CENPC: variants seen among roughly 807,000 people sequenced by gnomAD.
The protein encoded by CENPC is centromere protein C, also known as CENP-C 1.
In CENPC, 63 loss-of-function variants were observed where a neutral mutation model predicts 112.1. The observed-to-expected ratio is 0.56, with a 90% CI of 0.46 to 0.69. The LOEUF is 0.69. CENPC is among the 30% of genes least tolerant of loss of function. The pLI is 0.00. For synonymous variants in CENPC, 333 were observed against 367.6 expected, an observed-to-expected ratio of 0.91 and a Z score of 1.08; for missense variants, 1,000 against 1,103.8, an observed-to-expected ratio of 0.91 and a Z score of 1.33.
At chr4:67,488,523 T>C (rs1033289388) in intron 17 of CENPC, among the ~76,000 whole-genome samples, 6 of 151,986 alleles carry the variant, frequency 3.9e-5, no homozygotes, top group African/African-American at 1.2e-4. Context: ...TCTAATAATT[T>C]CCATTAACTC....
chr4:67,543,280 T>C (rs1726938082), intron 2 of CENPC, among the ~76,000 whole-genome samples: 1 of 152,234 alleles, frequency 6.6e-6, no homozygotes, highest in Non-Finnish European at 1.5e-5. Flanking sequence ...GACAAATATA[T>C]GTATTCCTAC....
rs773803780 is a variant in CENPC, at chr4:67,530,898, G to A, written c.248C>T (p.Pro83Leu). The part of the protein sequence containing the change: ...SPSKECQKSH[P>L]KSVPVSSKKK... The stretch of plus-strand genomic sequence containing the variant: ...CTTTGAAGAAACTGGAACTGACTTT[G>A]GATGTGATTTCTGGCACTGAGCACA... The change falls in exon 5 of 19, where the codon CCA becomes CTA. Residue 83 changes from proline (P) to leucine (L), a missense_variant. Transcript: ENST00000273853. 22 of 1,593,950 alleles carry A rather than the reference G, an allele frequency of 1.4e-5. No individual in the cohort carries two copies. In the Admixed American group the frequency reaches 3.8e-4, roughly 28 times the overall value.
intron 12 of CENPC, among the ~76,000 whole-genome samples, chr4:67,495,717 G>T (rs1340536879): frequency 3.3e-5 from 5 of 152,154 alleles, no homozygotes; most frequent in African/African-American, 9.7e-5. Context: ...GCCACTTGTG[G>T]ATAAAAATGT....
At chr4:67,521,500 T>G (rs1176659862) in intron 5 of CENPC, among the ~76,000 whole-genome samples, 1 of 152,136 alleles carries the variant, frequency 6.6e-6, no homozygotes, top group African/African-American at 2.4e-5. Flanking sequence ...ATCACACCCA[T>G]TAGGATGACT....
chr4:67,514,689 T>G lies in CENPC; in HGVS notation c.831-2A>C, dbSNP rs760477962. On this transcript the variant is annotated splice_acceptor_variant, in intron 7 of 18. Transcript: ENST00000273853. LOFTEE classifies it high-confidence loss of function. ...GTTGCCGCATGCCTAACAATGGGAC[T>G]GAAACAGGGTGATACTTTTAACAGT... 1 of 1,600,610 alleles carries G rather than the reference T, an allele frequency of 6.2e-7. No individual in the cohort carries two copies. The highest frequency in any genetic ancestry group is 1.1e-5 in the South Asian group (1 of 89,144).
chr4:67,494,389 T>A (rs112327239), intron 13 of CENPC, among the ~76,000 whole-genome samples: 113 of 152,316 alleles, frequency 7.4e-4, no homozygotes, highest in African/African-American at 2.5e-3. Context: ...ATGCTCAATG[T>A]TCCCCTCTGT....
intron 15 of CENPC, 149 bp from the exon 16 acceptor site, chr4:67,492,424 C>G: frequency 1.8e-6 from 1 of 554,676 alleles, no homozygotes; most frequent in Non-Finnish European, 3.1e-6. Context: ...CTCTGATAAA[C>G]AAAAATTCAA....
At chr4:67,539,150 A>T (rs1306575925) in intron 4 of CENPC, among the ~76,000 whole-genome samples, 2 of 152,200 alleles carry the variant, frequency 1.3e-5, no homozygotes, top group Non-Finnish European at 2.9e-5. Context: ...ATCCCAGAAA[A>T]CCTAAAGTTG....
At chr4:67,513,351 T>G (rs1213778465) in intron 8 of CENPC, among the ~76,000 whole-genome samples, 2 of 152,174 alleles carry the variant, frequency 1.3e-5, no homozygotes, top group Non-Finnish European at 2.9e-5. Flanking sequence ...TTAATACAAC[T>G]GATATGGTAA....
At chr4:67,494,782 T>C (rs548832111) in intron 13 of CENPC, among the ~76,000 whole-genome samples, 24 of 152,198 alleles carry the variant, frequency 1.6e-4, no homozygotes, top group African/African-American at 5.1e-4. Context: ...CTTACTATCC[T>C]AGCTACTGCT....
chr4:67,503,629 C>T (rs931541393), intron 12 of CENPC, among the ~76,000 whole-genome samples: 8 of 151,838 alleles, frequency 5.3e-5, no homozygotes, highest in Admixed American at 3.3e-4. Context: ...TTAAGAATTC[C>T]ATAAATATTA....
intron 17 of CENPC, among the ~76,000 whole-genome samples, chr4:67,476,357 G>A (rs1724804607): frequency 6.6e-6 from 1 of 152,186 alleles, no homozygotes; most frequent in Admixed American, 6.5e-5. Context: ...GTGAAAGGGG[G>A]GAAAGTCTGC....
intron 13 of CENPC, among the ~76,000 whole-genome samples, chr4:67,494,815 A>G (rs1041087179): frequency 1.1e-4 from 16 of 152,320 alleles, no homozygotes; most frequent in Non-Finnish European, 1.6e-4. Flanking sequence ...CAACTGGATT[A>G]AAGTGGAAGG....
At chr4:67,498,864 T>C (rs370565836) in intron 12 of CENPC, among the ~76,000 whole-genome samples, 1 of 152,254 alleles carries the variant, frequency 6.6e-6, no homozygotes, top group Admixed American at 6.5e-5. Context: ...GAATGGTGAA[T>C]CCTTTCCAGA....
At position 67,496,334 on chromosome 4, in the gene CENPC, T is replaced by C. The variant is rs144857647; in HGVS notation, c.2132-1122A>G. Among the ~76,000 whole-genome samples, 766 of 152,276 alleles carry C rather than the reference T, an allele frequency of 5.0e-3. 2 individuals carry two copies. The highest frequency in any genetic ancestry group is 0.017 in the Middle Eastern group (5 of 294). On this transcript the variant is annotated intron_variant, in intron 12 of 18. Transcript: ENST00000273853. ...TTCATGAGTGTACTCAAGTGGCAAT[T>C]ACCCAACTAAGCCAAGTCAATTCAT... is the stretch of plus-strand genomic sequence containing the variant.
chr4:67,473,896 G>T (rs1724736028), intron 18 of CENPC, among the ~76,000 whole-genome samples: 1 of 152,118 alleles, frequency 6.6e-6, no homozygotes, highest in African/African-American at 2.4e-5. Flanking sequence ...ATGACAAGTG[G>T]ATTAAAATGC....
rs185070004 is a variant in CENPC at position 67,538,198 on chromosome 4, T to C, written c.231+1642A>G. ...TATTTTGAACATTTCTTATTTATTA[T>C]ACATTTAAAGTTATGAATTCCCTCT... On this transcript the variant is annotated intron_variant, in intron 4 of 18. Transcript: ENST00000273853. 3.9e-5 allele frequency among the ~76,000 whole-genome samples: 6 copies of C among 152,298 alleles called. No homozygotes were observed. In the East Asian group the frequency reaches 1.2e-3, roughly 29 times the overall value.
In CENPC at chr4:67,514,761, A is replaced by T. The variant is rs1726009634; in HGVS notation, c.831-74T>A. Reference sequence around the variant, plus strand: ...ATTTGTTTAGTAAAGAAAATAATCTAGGAAATAAAATCTAAATTTCTTTTA... The same window carrying T: ...ATTTGTTTAGTAAAGAAAATAATCTTGGAAATAAAATCTAAATTTCTTTTA... On this transcript the variant is annotated intron_variant, in intron 7 of 18. Coordinates refer to ENST00000273853, the MANE Select transcript of CENPC (RefSeq NM_001812.4). 2.2e-6 allele frequency: 3 copies of T among 1,379,146 alleles called. No individual in the cohort carries two copies. In the Admixed American group the frequency reaches 8.4e-5, roughly 38 times the overall value. The allele number at this position is 1,379,146 out of a possible 1,614,324, so 85.4% of individuals were successfully genotyped here.
Position 67,513,428 on chromosome 4 carries a change from A to C in CENPC, c.1444+646T>G, listed in dbSNP as rs1725952773. The stretch of plus-strand genomic sequence containing the variant: ...ATATGTAAAAATTAGTGTGTAGAAT[A>C]TAGCAGGTACTCAGAAAATGTTTAA... On this transcript the variant is annotated intron_variant, in intron 8 of 18. Transcript: ENST00000273853. Among the ~76,000 whole-genome samples, 3 of 152,224 alleles carry C rather than the reference A, an allele frequency of 2.0e-5. No homozygotes were observed. In the South Asian group the frequency reaches 6.2e-4, roughly 31 times the overall value.
Sources: gnomAD v4.1 joint callset for allele counts (sites outside exome capture counted in the v4.1 genomes callset) on GRCh38, gnomAD v4.1.1 for gene constraint, MANE v1.5 for transcripts, NCBI Gene and HGNC (gene_info 2026-07-23, HGNC 2026-07-21) for gene names.